Variants in TRERF1 observed in about 807,000 individuals in gnomAD.
TRERF1 encodes the protein transcriptional-regulating factor 1.
TRERF1 carries 27 observed loss-of-function variants against 122.9 expected under a neutral mutation model. The ratio of observed to expected loss-of-function variants is 0.22; its 90% CI spans 0.16 to 0.30. The LOEUF (loss-of-function observed/expected upper bound fraction) is 0.30, where lower values mean the gene tolerates loss of function less well. TRERF1 is among the 10% of genes least tolerant of loss of function. The probability of loss-of-function intolerance (pLI) is 1.00; values close to 1 mark genes in which losing one functional copy is unlikely to be tolerated. For missense variants in TRERF1, 1,248 were observed against 1,560.3 expected, an observed-to-expected ratio of 0.80 and a Z score of 3.37; for synonymous variants, 636 against 641.7, an observed-to-expected ratio of 0.99 and a Z score of 0.13.
At position 42,445,280 on chromosome 6, in the gene TRERF1, AAC is replaced by A. The variant is rs1223335829; in HGVS notation, c.-454+5895_-454+5896del. On this transcript the variant is annotated intron_variant, in intron 2 of 17. Transcript: ENST00000372922. ...AAGACTCCATCTCAAAAAAAAAAAA[AAC>A]AAAAAACGATGAAACAAATCCAATG... Among the ~76,000 whole-genome samples the A allele has an allele frequency of 4.5e-3, 682 of 150,118 alleles. 9 individuals carry two copies. The highest frequency in any genetic ancestry group is 0.016 in the African/African-American group (627 of 40,376).
intron 2 of TRERF1, among the ~76,000 whole-genome samples, chr6:42,383,218 G>A (rs1776248652): frequency 6.6e-6 from 1 of 152,122 alleles, no homozygotes; most frequent in Non-Finnish European, 1.5e-5. Context: ...GTGACCGAGT[G>A]AGACCTTGTC....
chr6:42,250,413 C>T (rs1007960737), intron 13 of TRERF1, among the ~76,000 whole-genome samples: 7 of 152,292 alleles, frequency 4.6e-5, no homozygotes, highest in African/African-American at 7.2e-5. Context: ...CCGAAGTTAA[C>T]GAAAGGCTCA....
intron 2 of TRERF1, among the ~76,000 whole-genome samples, chr6:42,385,014 G>C (rs1367103715): frequency 6.6e-6 from 1 of 152,114 alleles, no homozygotes; most frequent in African/African-American, 2.4e-5. Flanking sequence ...CCATGTCCAT[G>C]TTGCCCAGGC....
chr6:42,334,048 T>C (rs1220654627), intron 3 of TRERF1, among the ~76,000 whole-genome samples: 1 of 152,184 alleles, frequency 6.6e-6, no homozygotes, highest in Non-Finnish European at 1.5e-5. Context: ...TATATGTATA[T>C]GTATATGTAC....
intron 10 of TRERF1, among the ~76,000 whole-genome samples, chr6:42,257,414 C>T (rs1776973592): frequency 6.6e-6 from 1 of 152,144 alleles, no homozygotes; most frequent in Non-Finnish European, 1.5e-5. Flanking sequence ...GCCAATGGTG[C>T]CATTTAACAA....
chr6:42,451,866 C>T (rs1306096607), intron 1 of TRERF1, among the ~76,000 whole-genome samples: 1 of 152,164 alleles, frequency 6.6e-6, no homozygotes, highest in Admixed American at 6.5e-5. Context: ...TCCACCCTCC[C>T]CTTCAGGAAA....
intron 3 of TRERF1, among the ~76,000 whole-genome samples, chr6:42,354,008 C>T (rs908331134): frequency 6.6e-6 from 1 of 152,120 alleles, no homozygotes; most frequent in Non-Finnish European, 1.5e-5. Flanking sequence ...CAAACGTACA[C>T]AAAAGTAGCT....
chr6:42,451,830 T>G (rs948666006), intron 1 of TRERF1, among the ~76,000 whole-genome samples: 4 of 151,940 alleles, frequency 2.6e-5, no homozygotes, highest in Non-Finnish European at 5.9e-5. Context: ...CAGTGGAAAT[T>G]TGCAGCGCCG....
At chr6:42,284,299 CAA>C (rs1782815554) in intron 4 of TRERF1, among the ~76,000 whole-genome samples, 1 of 150,076 alleles carries the variant, frequency 6.7e-6, no homozygotes, top group Non-Finnish European at 1.5e-5. Flanking sequence ...CTCCTGGCCT[CAA>C]GCAATCCTCA....
intron 2 of TRERF1, among the ~76,000 whole-genome samples, chr6:42,396,464 C>G (rs939041500): frequency 1.2e-4 from 18 of 152,188 alleles, no homozygotes; most frequent in Admixed American, 3.3e-4. Flanking sequence ...CCCAGCCCAT[C>G]TTCCCAAGAG....
At chr6:42,262,595 G>C (rs200471256) in intron 8 of TRERF1, among the ~76,000 whole-genome samples, 1 of 142,628 alleles carries the variant, frequency 7.0e-6, no homozygotes, top group Admixed American at 6.9e-5. Context: ...GAGAGAGAGA[G>C]AGAGACAGAC....
intron 2 of TRERF1, among the ~76,000 whole-genome samples, chr6:42,425,745 A>G (rs1783548634): frequency 6.6e-6 from 1 of 151,046 alleles, no homozygotes; most frequent in Non-Finnish European, 1.5e-5. Flanking sequence ...GGTTTTCACT[A>G]TGTTAGCCAG....
chr6:42,381,109 T>G (rs534389446), intron 2 of TRERF1, among the ~76,000 whole-genome samples: 1 of 152,254 alleles, frequency 6.6e-6, no homozygotes, highest in African/African-American at 2.4e-5. Flanking sequence ...CAGACTGAAT[T>G]CATCCTGCAC....
intron 16 of TRERF1, among the ~76,000 whole-genome samples, chr6:42,233,442 C>G (rs982263512): frequency 1.3e-5 from 2 of 151,970 alleles, no homozygotes. Flanking sequence ...CCCGCCACCA[C>G]GCCTGGCTAA....
At chr6:42,408,373 C>CTTT (rs34753779) in intron 2 of TRERF1, among the ~76,000 whole-genome samples, 808 of 62,946 alleles carry the variant, frequency 0.013, 133 homozygotes, top group Middle Eastern at 0.1. Context: ...ATATATATAT[C>CTTT]TTTTTTTTTT....
intron 13 of TRERF1, among the ~76,000 whole-genome samples, chr6:42,248,637 C>A (rs1775216421): frequency 6.6e-6 from 1 of 152,176 alleles, no homozygotes; most frequent in African/African-American, 2.4e-5. Context: ...CAGACGTGTG[C>A]CACTGTGCCC....
intron 4 of TRERF1, among the ~76,000 whole-genome samples, chr6:42,298,329 T>A (rs1418041490): frequency 6.6e-6 from 1 of 151,368 alleles, no homozygotes; most frequent in South Asian, 2.1e-4. Context: ...CCAATTTTTT[T>A]ATTTTTAGTA....
At chr6:42,432,149 A>G (rs1209117408) in intron 2 of TRERF1, among the ~76,000 whole-genome samples, 1 of 152,194 alleles carries the variant, frequency 6.6e-6, no homozygotes, top group Admixed American at 6.5e-5. Flanking sequence ...CCTGTGCCCT[A>G]GGGCTCTTGG....
intron 2 of TRERF1, among the ~76,000 whole-genome samples, chr6:42,365,726 T>C (rs886689106): frequency 2.6e-5 from 4 of 152,172 alleles, no homozygotes; most frequent in Non-Finnish European, 4.4e-5. Context: ...CCTCTCGTCT[T>C]TTCTACATAC....
Sources: gnomAD v4.1 joint callset for allele counts (sites outside exome capture counted in the v4.1 genomes callset) on GRCh38, gnomAD v4.1.1 for gene constraint, MANE v1.5 for transcripts, NCBI Gene and HGNC (gene_info 2026-07-23, HGNC 2026-07-21) for gene names.